The following WDR59 variants were observed in gnomAD, a reference collection of about 807,000 sequenced individuals.
WDR59 encodes the protein GATOR2 complex protein WDR59.
Under a neutral mutation model 131.2 loss-of-function variants are expected in WDR59, and 100 were observed. The ratio of observed to expected loss-of-function variants is 0.76; its 90% CI spans 0.65 to 0.90. The LOEUF is 0.90. Among genes scored for constraint, WDR59 ranks in the 40% least tolerant of loss-of-function variants. WDR59 has a pLI of 0.00. For missense variants in WDR59, 1,203 were observed against 1,262.2 expected (o/e 0.95, Z 0.71); for synonymous variants, 601 against 466.2 (o/e 1.29, Z -3.72).
Position 74,916,263 on chromosome 16 carries a change from C to T in WDR59, c.967-4G>A. Reference sequence around the variant, plus strand: ...CTAATATGTCATTTGCACAAAGCTGCAACAAAGGGTAGAAGATGTAGTTCT... The same window carrying T: ...CTAATATGTCATTTGCACAAAGCTGTAACAAAGGGTAGAAGATGTAGTTCT... On this transcript the variant is annotated splice_region_variant and splice_polypyrimidine_tract_variant and intron_variant, in intron 11 of 25. Coordinates refer to ENST00000262144, the MANE Select transcript of WDR59 (RefSeq NM_030581.4). 6.2e-7 allele frequency: 1 copy of T among 1,613,676 alleles called. No individual in the cohort carries two copies. Among genetic ancestry groups the T allele is most frequent in the Admixed American group, 1.7e-5 (1 of 60,004 alleles).
At chr16:74,905,543 G>A (rs1406688368) in intron 17 of WDR59, among the ~76,000 whole-genome samples, 5 of 151,528 alleles carry the variant, frequency 3.3e-5, no homozygotes, top group East Asian at 1.9e-4. Context: ...TTAGCCAGGC[G>A]TGGTGGCGGG....
chr16:74,927,313 G>A (rs1292945248), intron 8 of WDR59, among the ~76,000 whole-genome samples: 1 of 152,072 alleles, frequency 6.6e-6, no homozygotes. Flanking sequence ...AAGAAGCCAG[G>A]CACGGTGGCT....
chr16:74,917,808 CAAA>C (rs34773155), intron 11 of WDR59, 118 bp downstream of exon 11: 49,559 of 422,536 alleles, frequency 0.12, 7 homozygotes, highest in Middle Eastern at 0.15. Context: ...GACGCACTCT[CAAA>C]AAAAAAAAAA....
chr16:74,926,967 C>T (rs186574342), intron 8 of WDR59, among the ~76,000 whole-genome samples: 2 of 152,248 alleles, frequency 1.3e-5, no homozygotes, highest in East Asian at 3.9e-4. Context: ...AGAAGCTGTT[C>T]CTCTACTTAA....
In WDR59 at chr16:74,967,913, G is replaced by T. The variant is rs540380207; in HGVS notation, c.55-2091C>A. Among the ~76,000 whole-genome samples, 4 of 151,740 alleles carry T rather than the reference G, an allele frequency of 2.6e-5. No individual in the cohort carries two copies. The South Asian group carries it at 8.3e-4, about 32-fold the overall frequency. ...CAAACAACCCAAATGTCCACCAATG[G>T]AGGAACAGATAAACAAAATGTGGTA... On this transcript the variant is annotated intron_variant, in intron 1 of 25. Transcript: ENST00000262144.
intron 3 of WDR59, among the ~76,000 whole-genome samples, chr16:74,953,150 A>T (rs2033098467): frequency 6.6e-6 from 1 of 152,140 alleles, no homozygotes; most frequent in Non-Finnish European, 1.5e-5. Context: ...ACTTGACCTC[A>T]GATTTCCCTA....
chr16:74,937,590 C>T (rs561437414), intron 8 of WDR59, among the ~76,000 whole-genome samples: 1 of 152,228 alleles, frequency 6.6e-6, no homozygotes, highest in African/African-American at 2.4e-5. Context: ...CAACCTTTGC[C>T]TCCCAGGTTC....
chr16:74,981,633 TATATATATATATATATATATATATA>T lies in WDR59; in HGVS notation c.54+3306_54+3330del, dbSNP rs1204504121. Among the ~76,000 whole-genome samples, 33 of 17,564 alleles carry T rather than the reference TATATATATATATATATATATATATA, an allele frequency of 1.9e-3. 1 individual carries two copies. Among genetic ancestry groups the T allele is most frequent in the African/African-American group, 4.8e-3 (24 of 5,028 alleles). 11.5% of individuals were successfully genotyped at this position (17,564 alleles called of 152,430 possible). On this transcript the variant is annotated intron_variant, in intron 1 of 25. Coordinates refer to ENST00000262144, the MANE Select transcript of WDR59 (RefSeq NM_030581.4). Reference sequence around the variant, plus strand: ...ATTTACATATATATATATATATATATATATATATATATATATATATATATATATTTTTTTTTTTTTTAGATGGAGT... The same window carrying T: ...ATTTACATATATATATATATATATATTATTTTTTTTTTTTTTAGATGGAGT...
At chr16:74,893,536 T>G in intron 19 of WDR59, 143 bp downstream of exon 19, 1 of 864,394 alleles carries the variant, frequency 1.2e-6, no homozygotes, top group East Asian at 2.8e-5. Context: ...TTGTGGGAAT[T>G]TGTCCACAGC....
rs1293046532 is a variant in WDR59 at position 74,885,644 on chromosome 16, C to T, written c.2689+9G>A. ...ACAGTGAAAGGAAGAGAGAGAAATT[C>T]ATACTCACCGATCCCTTTGTGAGGG... On this transcript the variant is annotated intron_variant, in intron 25 of 25. Coordinates refer to ENST00000262144, the MANE Select transcript of WDR59 (RefSeq NM_030581.4). 2 of 1,612,910 alleles carry T rather than the reference C, an allele frequency of 1.2e-6. No homozygotes were observed. Among genetic ancestry groups the T allele is most frequent in the Non-Finnish European group, 1.7e-6 (2 of 1,179,648 alleles).
In WDR59 at chr16:74,975,722, G is replaced by A. The variant is rs533505513; in HGVS notation, c.54+9242C>T. On this transcript the variant is annotated intron_variant, in intron 1 of 25. Transcript: ENST00000262144. The stretch of plus-strand genomic sequence containing the variant: ...ATTTAAAAAAGAAAACTGAAGCTTA[G>A]AAAGGAAGTAACTTGCCCAAGATCA... Among the ~76,000 whole-genome samples, 5 of 151,544 alleles carry A rather than the reference G, an allele frequency of 3.3e-5. No individual in the cohort carries two copies. The East Asian group carries it at 9.7e-4, about 29-fold the overall frequency.
intron 11 of WDR59, among the ~76,000 whole-genome samples, chr16:74,917,252 A>T (rs1224724525): frequency 6.6e-6 from 1 of 152,240 alleles, no homozygotes; most frequent in Non-Finnish European, 1.5e-5. Flanking sequence ...TCATAAAAGC[A>T]GTGTTGCTGA....
intron 17 of WDR59, among the ~76,000 whole-genome samples, chr16:74,905,428 T>A (rs1261928086): frequency 1.3e-5 from 2 of 151,614 alleles, no homozygotes; most frequent in Non-Finnish European, 2.9e-5. Context: ...ACGCTCGTAA[T>A]CCCAGCACTT....
chr16:74,947,823 C>A (rs2032740127), intron 6 of WDR59, among the ~76,000 whole-genome samples: 1 of 152,212 alleles, frequency 6.6e-6, no homozygotes, highest in African/African-American at 2.4e-5. Flanking sequence ...GTAATCCCAG[C>A]ACTTCGGGAG....
intron 18 of WDR59, among the ~76,000 whole-genome samples, chr16:74,898,852 A>G (rs1401444759): frequency 1.3e-5 from 2 of 152,200 alleles, no homozygotes; most frequent in Non-Finnish European, 2.9e-5. Flanking sequence ...GTTGGCTGGG[A>G]CAGGCTTTTG....
At chr16:74,962,774 CT>C (rs34861096) in intron 2 of WDR59, 46,106 of 147,158 alleles carry the variant, frequency 0.31, 7,883 homozygotes, top group East Asian at 0.72. Context: ...TTTCTTTTTT[CT>C]TTTTTTTTTT....
chr16:74,883,305 G>A (rs71392621), intron 25 of WDR59, among the ~76,000 whole-genome samples: 26 of 151,990 alleles, frequency 1.7e-4, no homozygotes, highest in East Asian at 9.7e-4. Context: ...TTACAGGCGT[G>A]AGTCACCGTA....
intron 14 of WDR59, among the ~76,000 whole-genome samples, chr16:74,910,875 C>A (rs1234050268): frequency 1.3e-5 from 2 of 152,034 alleles, no homozygotes; most frequent in African/African-American, 4.8e-5. Flanking sequence ...CAGGTTCAAG[C>A]CATTCTCCTG....
chr16:74,982,623 T>C (rs1401647391), intron 1 of WDR59, among the ~76,000 whole-genome samples: 1 of 152,228 alleles, frequency 6.6e-6, no homozygotes, highest in East Asian at 1.9e-4. Context: ...CATGATTCTA[T>C]TCTGTCCTAG....
Sources: allele counts gnomAD v4.1 joint callset (sites outside exome capture counted in the v4.1 genomes callset), GRCh38; gene constraint gnomAD v4.1.1; transcripts MANE v1.5; gene names NCBI Gene and HGNC (gene_info 2026-07-23, HGNC 2026-07-21).